CAMSAP2: variants seen among roughly 807,000 people sequenced by gnomAD.
CAMSAP2 encodes the protein calmodulin regulated spectrin associated protein family member 2, also known as calmodulin-regulated spectrin-associated protein 2.
Under a neutral mutation model 146.1 loss-of-function variants are expected in CAMSAP2, and 26 were observed. The ratio of observed to expected loss-of-function variants is 0.18; its 90% confidence interval spans 0.13 to 0.25. The LOEUF (loss-of-function observed/expected upper bound fraction) is 0.25, where lower values mean the gene tolerates loss of function less well. Among genes scored for constraint, CAMSAP2 ranks in the 10% least tolerant of loss-of-function variants. The probability of loss-of-function intolerance (pLI) is 1.00; values close to 1 mark genes in which losing one functional copy is unlikely to be tolerated. For missense variants in CAMSAP2, 1,381 were observed against 1,759.3 expected (o/e 0.78, Z 3.85); for synonymous variants, 499 against 596.6 (o/e 0.84, Z 2.38).
chr1:200,826,391 C>T (rs766008756), intron 4 of CAMSAP2, among the ~76,000 whole-genome samples: 13 of 151,368 alleles, frequency 8.6e-5, no homozygotes, highest in African/African-American at 2.2e-4. Context: ...GAGATAGCTC[C>T]GCTGCCCTCT....
intron 4 of CAMSAP2, chr1:200,828,692 A>G: frequency 8.0e-7 from 1 of 1,249,840 alleles, no homozygotes; most frequent in Non-Finnish European, 1.1e-6. Flanking sequence ...AAGTCATTTC[A>G]TGTAATTCTG....
intron 1 of CAMSAP2, among the ~76,000 whole-genome samples, chr1:200,746,862 C>G (rs893719234): frequency 6.6e-6 from 1 of 151,932 alleles, no homozygotes; most frequent in Admixed American, 6.6e-5. Context: ...TCGTGATCTG[C>G]CCCCCTCGGC....
intron 2 of CAMSAP2, among the ~76,000 whole-genome samples, chr1:200,765,549 C>T (rs1664925796): frequency 6.6e-6 from 1 of 151,940 alleles, no homozygotes; most frequent in Non-Finnish European, 1.5e-5. Context: ...TTCTATGTAT[C>T]CAGCTGACCA....
intron 8 of CAMSAP2, among the ~76,000 whole-genome samples, chr1:200,846,590 A>G (rs1193371090): frequency 2.0e-5 from 3 of 152,308 alleles, no homozygotes; most frequent in South Asian, 2.1e-4. Context: ...AAGTCTCCAT[A>G]TGGTCCATTG....
intron 4 of CAMSAP2, among the ~76,000 whole-genome samples, chr1:200,822,262 A>C (rs1666792689): frequency 6.6e-6 from 1 of 152,162 alleles, no homozygotes; most frequent in Non-Finnish European, 1.5e-5. Context: ...TCCTAAGAAC[A>C]AGGCAATTCA....
Position 200,860,597 on chromosome 1 carries a change from AG to A in CAMSAP2, c.*2540del, listed in dbSNP as rs1215417038. On this transcript the variant is annotated 3_prime_UTR_variant, in exon 17 of 17. Coordinates refer to ENST00000358823, the MANE Select transcript of CAMSAP2 (RefSeq NM_203459.4). ...CTGTCCACTCTAGAGCATTGCTTACAGGTTTTTTGTTTTTTAAGATGCTGTG... is the reference window on the plus strand; with the variant it reads ...CTGTCCACTCTAGAGCATTGCTTACAGTTTTTTGTTTTTTAAGATGCTGTG... The A allele has an allele frequency of 2.8e-4, 42 of 152,446 alleles. 1 individual carries two copies. The allele number at this position is 152,446 out of a possible 1,614,324, so 9.4% of individuals were successfully genotyped here. A position where few individuals can be genotyped will look rare whatever the true frequency, so the allele number is the denominator to read the frequency against.
At chr1:200,830,862 C>T (rs1381644513) in intron 4 of CAMSAP2, among the ~76,000 whole-genome samples, 1 of 152,168 alleles carries the variant, frequency 6.6e-6, no homozygotes. Context: ...AAGAGGAAAA[C>T]ATGTTCCATG....
chr1:200,815,602 A>C lies in CAMSAP2; in HGVS notation c.603A>C (p.Lys201Asn). The stretch of plus-strand genomic sequence containing the variant: ...AAGACATAATGGAACAAGAACAAAA[A>C]CTGAAAGAACATCACACAGTTGAAG... ...HLKDIMEQEQ[K>N]LKEHHTVEAP... The change falls in exon 4 of 17, where the codon AAA (lysine) becomes AAC (asparagine). Residue 201 changes from lysine (K) to asparagine (N), a missense_variant. Coordinates refer to ENST00000358823, the MANE Select transcript of CAMSAP2 (RefSeq NM_203459.4). 6.3e-7 allele frequency: 1 copy of C among 1,578,482 alleles called. No individual in the cohort carries two copies.
intron 1 of CAMSAP2, 110 bp from the exon 2 acceptor site, chr1:200,760,729 A>G: frequency 1.3e-6 from 1 of 799,364 alleles, no homozygotes. Context: ...TTATTGCTAT[A>G]TTTTTAGAGG....
chr1:200,803,477 T>C (rs1247539507), intron 2 of CAMSAP2, among the ~76,000 whole-genome samples: 1 of 152,232 alleles, frequency 6.6e-6, no homozygotes, highest in Non-Finnish European at 1.5e-5. Context: ...TATATTTTAT[T>C]TGGAGCTATC....
chr1:200,776,902 AG>A (rs1665295635), intron 2 of CAMSAP2, among the ~76,000 whole-genome samples: 2 of 152,174 alleles, frequency 1.3e-5, no homozygotes, highest in Non-Finnish European at 2.9e-5. Flanking sequence ...TGAGAAAGGA[AG>A]GAAAAGAAGG....
rs754737742 is a variant in CAMSAP2, at chr1:200,852,628, C to T, written c.3553C>T (p.Arg1185Trp). 2.9e-5 allele frequency: 47 copies of T among 1,613,482 alleles called. 1 individual carries two copies. The South Asian group carries it at 4.6e-4, about 16-fold the overall frequency. The change falls in exon 12 of 17, where the codon CGG becomes TGG. Residue 1185 changes from arginine to tryptophan, a missense_variant. Arg to Trp is a moderately radical substitution (Grantham distance 101). Coordinates refer to ENST00000358823, the MANE Select transcript of CAMSAP2 (RefSeq NM_203459.4). ...AAGAAGGGAAAAGGAAACTCAGCTC[C>T]GGAAACAACAGTTGGAAGCAGAAAT... is the stretch of plus-strand genomic sequence containing the variant. ...RLRREKETQL[R>W]KQQLEAEMEH...
intron 2 of CAMSAP2, among the ~76,000 whole-genome samples, chr1:200,783,511 C>T (rs904922896): frequency 2.0e-5 from 3 of 152,076 alleles, no homozygotes; most frequent in Non-Finnish European, 2.9e-5. Flanking sequence ...GAGACAAGGC[C>T]TTGCTCTGTT....
intron 1 of CAMSAP2, among the ~76,000 whole-genome samples, chr1:200,754,574 C>CAT (rs1553278701): frequency 1.2e-5 from 1 of 86,578 alleles, no homozygotes; most frequent in Non-Finnish European, 2.3e-5. Flanking sequence ...GAAAGAGCTC[C>CAT]TTTTTTTTTT....
At chr1:200,843,841 T>G (rs1055081858) in intron 7 of CAMSAP2, among the ~76,000 whole-genome samples, 4 of 151,218 alleles carry the variant, frequency 2.6e-5, no homozygotes, top group Non-Finnish European at 4.4e-5. Flanking sequence ...TTATTTTTGT[T>G]TTTTTTTTGT....
chr1:200,752,191 A>C (rs1664525620), intron 1 of CAMSAP2, among the ~76,000 whole-genome samples: 2 of 152,212 alleles, frequency 1.3e-5, no homozygotes. Flanking sequence ...CTTTCTCTAC[A>C]TGTGTACACA....
chr1:200,761,015 G>A lies in CAMSAP2; in HGVS notation c.316G>A (p.Ala106Thr), dbSNP rs1178261216. The change falls in exon 2 of 17, where the codon GCT (alanine) becomes ACT (threonine). Residue 106 changes from alanine to threonine, a missense_variant. By Grantham distance (58) the Ala-to-Thr change is moderately conservative. Around this residue, in one of 4 missense-constraint regions of CAMSAP2, gnomAD observed 284 missense variants for 406.9 expected, o/e 0.70. Transcript: ENST00000358823. ...PLLGHDAVIQ[A>T]LAQKGLYVTD... Reference sequence around the variant, plus strand: ...TTTGGGCCATGATGCTGTAATCCAGGCTTTAGCACAGAAAGGTCTTTATGT... The same window carrying A: ...TTTGGGCCATGATGCTGTAATCCAGACTTTAGCACAGAAAGGTCTTTATGT... 1.2e-6 allele frequency: 2 copies of A among 1,614,090 alleles called. No homozygotes were observed. Among genetic ancestry groups the A allele is most frequent in the Non-Finnish European group, 1.7e-6 (2 of 1,180,016 alleles).
chr1:200,819,334 T>C (rs1223905723), intron 4 of CAMSAP2, among the ~76,000 whole-genome samples: 1 of 152,172 alleles, frequency 6.6e-6, no homozygotes, highest in African/African-American at 2.4e-5. Context: ...TAAATTAGGG[T>C]GCCTAATTAA....
In CAMSAP2 at chr1:200,858,206, A is replaced by C. The variant is rs1667795403; in HGVS notation, c.*147A>C. On this transcript the variant is annotated 3_prime_UTR_variant, in exon 17 of 17. Transcript: ENST00000358823. ...TGTTGTCATGAACAACTGGAATGTA[A>C]ACCACAGTATTTTGGAGTGCAGAAC... The C allele has an allele frequency of 3.0e-6, 2 of 659,326 alleles. No homozygotes were observed. The highest frequency in any genetic ancestry group is 5.0e-6 in the Non-Finnish European group (2 of 399,816). 40.8% of individuals were successfully genotyped at this position (659,326 alleles called of 1,614,324 possible).
Sources: allele counts gnomAD v4.1 joint callset (sites outside exome capture counted in the v4.1 genomes callset), GRCh38; gene constraint gnomAD v4.1.1; regional missense constraint gnomAD v4.1.1; transcripts MANE v1.5; gene names NCBI Gene and HGNC (gene_info 2026-07-23, HGNC 2026-07-21).